The following RALYL variants were observed in gnomAD, a reference collection of about 807,000 sequenced individuals.
The protein encoded by RALYL is RNA-binding Raly-like protein.
Under a neutral mutation model 35.1 loss-of-function variants are expected in RALYL, and 29 were observed. The observed-to-expected ratio is 0.83, with a 90% CI of 0.61 to 1.13. The LOEUF is 1.13. Among genes scored for constraint, RALYL ranks in the 50% most tolerant of loss-of-function variants. The probability of loss-of-function intolerance (pLI) is 0.00; values close to 1 mark genes in which losing one functional copy is unlikely to be tolerated. For synonymous variants in RALYL, 120 were observed against 127.6 expected (o/e 0.94, Z 0.40); for missense variants, 359 against 360.4 (o/e 1.00, Z 0.03).
At chr8:84,763,348 G>T (rs1813138131) in intron 2 of RALYL, among the ~76,000 whole-genome samples, 1 of 152,192 alleles carries the variant, frequency 6.6e-6, no homozygotes, top group African/African-American at 2.4e-5. Context: ...GTTACCAACA[G>T]GATATTCTTT....
rs376502481 is a variant in RALYL at position 84,662,513 on chromosome 8, A to G, written c.257-112066A>G. 9.2e-5 allele frequency among the ~76,000 whole-genome samples: 14 copies of G among 152,306 alleles called. No individual in the cohort carries two copies. In the East Asian group the frequency reaches 1.9e-3, roughly 21 times the overall value. ...AAGAAATCTTATTCTTTACATACACATGATGAGAGGCTTATGATAATGTCT... is the reference window on the plus strand; with the variant it reads ...AAGAAATCTTATTCTTTACATACACGTGATGAGAGGCTTATGATAATGTCT... On this transcript the variant is annotated intron_variant, in intron 2 of 8. Transcript: ENST00000521268.
intron 2 of RALYL, among the ~76,000 whole-genome samples, chr8:84,649,233 C>T (rs1442480151): frequency 6.6e-6 from 1 of 151,978 alleles, no homozygotes; most frequent in Non-Finnish European, 1.5e-5. Flanking sequence ...TTTAGGTTGC[C>T]TGTTCACTCT....
chr8:84,866,405 AT>A, intron 6 of RALYL, among the ~76,000 whole-genome samples: 1 of 152,184 alleles, frequency 6.6e-6, no homozygotes, highest in Non-Finnish European at 1.5e-5. Flanking sequence ...TGAATTACTT[AT>A]GTATATAAAA....
At chr8:84,865,825 C>T (rs1026442691) in intron 6 of RALYL, among the ~76,000 whole-genome samples, 8 of 152,178 alleles carry the variant, frequency 5.3e-5, no homozygotes, top group African/African-American at 1.4e-4. Flanking sequence ...CCTGTCAATG[C>T]ACTTTCAGTG....
chr8:84,404,717 C>G (rs746729808), intron 1 of RALYL, among the ~76,000 whole-genome samples: 1 of 152,034 alleles, frequency 6.6e-6, no homozygotes, highest in African/African-American at 2.4e-5. Flanking sequence ...CTCTCTTTTT[C>G]TTTTGCTTGG....
At chr8:84,185,149 G>A in intron 1 of RALYL, 1 of 883,038 alleles carries the variant, frequency 1.1e-6, no homozygotes, top group Non-Finnish European at 1.9e-6. Context: ...AGGGGATGGG[G>A]AAATAGTTTC....
intron 1 of RALYL, among the ~76,000 whole-genome samples, chr8:84,247,494 T>C (rs1403954256): frequency 6.6e-6 from 1 of 151,346 alleles, no homozygotes; most frequent in Non-Finnish European, 1.5e-5. Context: ...AGTTTATTCC[T>C]GCAAGTTTGT....
At position 84,904,479 on chromosome 8, in the gene RALYL, G is replaced by T. The variant is rs147325543; in HGVS notation, c.859-16415G>T. Among the ~76,000 whole-genome samples the T allele has an allele frequency of 4.0e-3, 608 of 152,170 alleles. 6 individuals carry two copies. Among genetic ancestry groups the T allele is most frequent in the African/African-American group, 0.014 (572 of 41,524 alleles). ...TTGAGCAAATAATGTAAATATAAGA[G>T]AACCAAAAGAATTTTATTTCTATAA... is the stretch of plus-strand genomic sequence containing the variant. On this transcript the variant is annotated intron_variant, in intron 8 of 8. Coordinates refer to ENST00000521268, the MANE Select transcript of RALYL (RefSeq NM_173848.7).
intron 5 of RALYL, among the ~76,000 whole-genome samples, chr8:84,854,331 C>T (rs144054330): frequency 0.024 from 3,629 of 149,134 alleles, 145 homozygotes; most frequent in African/African-American, 0.084. Context: ...GGGGACAGAG[C>T]GAAACTCCGT....
intron 1 of RALYL, among the ~76,000 whole-genome samples, chr8:84,234,044 G>T (rs2131467824): frequency 6.6e-6 from 1 of 151,944 alleles, no homozygotes; most frequent in Non-Finnish European, 1.5e-5. Flanking sequence ...TTACTTGTTG[G>T]CATCTCTTTT....
intron 2 of RALYL, among the ~76,000 whole-genome samples, chr8:84,712,256 C>T (rs1842304803): frequency 6.6e-6 from 1 of 152,100 alleles, no homozygotes; most frequent in Non-Finnish European, 1.5e-5. Context: ...TCAGTGCAGT[C>T]TGAATGAGCA....
chr8:84,249,396 C>A (rs1554588192), intron 1 of RALYL, among the ~76,000 whole-genome samples: 3 of 152,062 alleles, frequency 2.0e-5, no homozygotes, highest in Non-Finnish European at 4.4e-5. Flanking sequence ...AGTTCTACAT[C>A]ATTGAGAAGA....
intron 2 of RALYL, chr8:84,679,545 T>G (rs1834930012): frequency 2.6e-6 from 1 of 389,444 alleles, no homozygotes; most frequent in Non-Finnish European, 5.0e-6. Context: ...GGGGCTGGAA[T>G]GATTCATGAG....
chr8:84,632,806 C>T (rs1464883812), intron 2 of RALYL, among the ~76,000 whole-genome samples: 1 of 151,846 alleles, frequency 6.6e-6, no homozygotes, highest in Admixed American at 6.6e-5. Flanking sequence ...GAGCTTTTCC[C>T]AGAGGAATAT....
At chr8:84,233,732 A>G (rs909014241) in intron 1 of RALYL, among the ~76,000 whole-genome samples, 3 of 152,070 alleles carry the variant, frequency 2.0e-5, no homozygotes, top group Non-Finnish European at 4.4e-5. Flanking sequence ...GACCAACATT[A>G]TCATATTCTG....
intron 1 of RALYL, among the ~76,000 whole-genome samples, chr8:84,258,559 A>G (rs1457143461): frequency 6.6e-6 from 1 of 152,156 alleles, no homozygotes; most frequent in African/African-American, 2.4e-5. Context: ...TGTATCAAAA[A>G]AAGGCATTCT....
At chr8:84,204,658 C>G (rs1178697800) in intron 1 of RALYL, among the ~76,000 whole-genome samples, 1 of 152,084 alleles carries the variant, frequency 6.6e-6, no homozygotes, top group Non-Finnish European at 1.5e-5. Flanking sequence ...ATACTTTGCT[C>G]CTTTCTAATA....
At chr8:84,192,262 A>G (rs1814076627) in intron 1 of RALYL, among the ~76,000 whole-genome samples, 1 of 152,208 alleles carries the variant, frequency 6.6e-6, no homozygotes, top group Admixed American at 6.5e-5. Context: ...AATGAGACAA[A>G]TGCATAAGGT....
At chr8:84,666,153 G>T (rs1474072981) in intron 2 of RALYL, among the ~76,000 whole-genome samples, 1 of 151,890 alleles carries the variant, frequency 6.6e-6, no homozygotes, top group African/African-American at 2.4e-5. Context: ...CTCTATTCTT[G>T]CATGAAGAGT....
Sources: gnomAD v4.1 joint callset for allele counts (sites outside exome capture counted in the v4.1 genomes callset) on GRCh38, gnomAD v4.1.1 for gene constraint, MANE v1.5 for transcripts, NCBI Gene and HGNC (gene_info 2026-07-23, HGNC 2026-07-21) for gene names.